SCARB1: variants seen among roughly 807,000 people sequenced by gnomAD.
SCARB1 encodes scavenger receptor class B member 1.
In SCARB1, 30 loss-of-function variants were observed where a neutral mutation model predicts 57.2. That is an observed-to-expected ratio of 0.52 (90% CI 0.39 to 0.71). SCARB1 has a LOEUF of 0.71. Among genes scored for constraint, SCARB1 ranks in the 30% least tolerant of loss-of-function variants. The pLI is 0.00. For missense variants in SCARB1, 543 were observed against 671.2 expected, an observed-to-expected ratio of 0.81 and a Z score of 2.11; for synonymous variants, 249 against 268.3, an observed-to-expected ratio of 0.93 and a Z score of 0.70.
chr12:124,846,478 T>C (rs117009181), intron 1 of SCARB1, among the ~76,000 whole-genome samples: 19,554 of 151,726 alleles, frequency 0.13, 1,395 homozygotes, highest in South Asian at 0.19. Context: ...TGGCCGGGCG[T>C]GGTGGCTCAC....
chr12:124,821,787 T>G (rs2135709771), intron 1 of SCARB1, among the ~76,000 whole-genome samples: 1 of 152,088 alleles, frequency 6.6e-6, no homozygotes, highest in Admixed American at 6.5e-5. Context: ...TGACCCTTCC[T>G]CCTCTGCCCC....
intron 1 of SCARB1, among the ~76,000 whole-genome samples, chr12:124,838,045 T>C (rs111428194): frequency 1.3e-4 from 20 of 152,400 alleles, no homozygotes; most frequent in African/African-American, 4.6e-4. Flanking sequence ...CTTATTTCTG[T>C]GTCGTCAATG....
rs771199113 is a variant in SCARB1, at chr12:124,815,148, C to T, written c.285-34G>A. 2.5e-6 allele frequency: 4 copies of T among 1,609,490 alleles called. No individual in the cohort carries two copies. In the Admixed American group the frequency reaches 5.0e-5, roughly 20 times the overall value. On this transcript the variant is annotated intron_variant, in intron 2 of 12. Transcript: ENST00000261693. ...GAAGCCAGTGGGTCAGACGCCCCGC[C>T]CCGCTGCATGGGACGTTTCCCTTCT...
intron 2 of SCARB1, among the ~76,000 whole-genome samples, chr12:124,815,351 C>A (rs898433564): frequency 6.6e-6 from 1 of 152,218 alleles, no homozygotes; most frequent in African/African-American, 2.4e-5. Context: ...CCACCCAACA[C>A]GGCCATCGTC....
chr12:124,841,153 C>T (rs1159880204), intron 1 of SCARB1, among the ~76,000 whole-genome samples: 6 of 152,164 alleles, frequency 3.9e-5, no homozygotes, highest in African/African-American at 7.2e-5. Context: ...GGGCGGATCA[C>T]GAGGTCAGGA....
intron 7 of SCARB1, among the ~76,000 whole-genome samples, chr12:124,801,209 C>G (rs1007757940): frequency 6.7e-6 from 1 of 150,330 alleles, no homozygotes; most frequent in African/African-American, 2.4e-5. Context: ...AAAAGAAAAA[C>G]AATTTTTTTT....
rs1344890836 is a variant in SCARB1, at chr12:124,839,716, C to T, written c.127-22009G>A. On this transcript the variant is annotated intron_variant, in intron 1 of 12. Coordinates refer to ENST00000261693, the MANE Select transcript of SCARB1 (RefSeq NM_005505.5). Reference sequence around the variant, plus strand: ...CGGCACACATGGGCCCCGATTTCTCCGCACCCTCACCCCAACGGCACACAT... The same window carrying T: ...CGGCACACATGGGCCCCGATTTCTCTGCACCCTCACCCCAACGGCACACAT... 3.3e-3 allele frequency: 394 copies of T among 120,828 alleles called. 4 individuals carry two copies. Among genetic ancestry groups the T allele is most frequent in the African/African-American group, 0.012 (358 of 30,130 alleles). The allele number at this position is 120,828 out of a possible 1,614,324, so 7.5% of individuals were successfully genotyped here.
intron 1 of SCARB1, among the ~76,000 whole-genome samples, chr12:124,843,463 A>G (rs1951998654): frequency 6.6e-6 from 1 of 152,096 alleles, no homozygotes; most frequent in African/African-American, 2.4e-5. Flanking sequence ...AGAGGTGGAA[A>G]TCGGCTTTTA....
chr12:124,817,533 C>G lies in SCARB1; in HGVS notation c.284+17G>C. Reference sequence around the variant, plus strand: ...GCCTCAGCCGGCCCCTCCACCCTCACCTGGACACAGCCTCACCTGTACACG... The same window carrying G: ...GCCTCAGCCGGCCCCTCCACCCTCAGCTGGACACAGCCTCACCTGTACACG... On this transcript the variant is annotated intron_variant, in intron 2 of 12. Coordinates refer to ENST00000261693, the MANE Select transcript of SCARB1 (RefSeq NM_005505.5). The surrounding 1 kb of genome is among the most constrained non-coding windows in gnomAD (Gnocchi z 4.8). 1 of 1,613,156 alleles carries G rather than the reference C, an allele frequency of 6.2e-7. No individual in the cohort carries two copies. Among genetic ancestry groups the G allele is most frequent in the East Asian group, 2.2e-5 (1 of 44,888 alleles).
intron 1 of SCARB1, among the ~76,000 whole-genome samples, chr12:124,833,884 G>T (rs1326676983): frequency 6.6e-6 from 1 of 152,262 alleles, no homozygotes; most frequent in African/African-American, 2.4e-5. Flanking sequence ...CCGGGCCGGG[G>T]AATGATCTGC....
intron 1 of SCARB1, among the ~76,000 whole-genome samples, chr12:124,853,047 G>A (rs1395112346): frequency 1.3e-5 from 2 of 152,134 alleles, no homozygotes; most frequent in African/African-American, 4.8e-5. Context: ...CAGTGGACGT[G>A]GGGGGCAACT....
At position 124,785,712 on chromosome 12, in the gene SCARB1, T is replaced by G. The variant is rs563482086; in HGVS notation, c.1401+645A>C. ...TGCAAAAACACTGCAAAAATATTGA[T>G]GCCGTTTATACTGATTACATGTTGA... On this transcript the variant is annotated intron_variant, in intron 11 of 12. Coordinates refer to ENST00000261693, the MANE Select transcript of SCARB1 (RefSeq NM_005505.5). 4 of 215,788 alleles carry G rather than the reference T, an allele frequency of 1.9e-5. No individual in the cohort carries two copies. The South Asian group carries it at 3.3e-4, about 18-fold the overall frequency. The allele number at this position is 215,788 out of a possible 1,614,324, so 13.4% of individuals were successfully genotyped here. A position where few individuals can be genotyped will look rare whatever the true frequency, so the allele number is the denominator to read the frequency against.
In SCARB1 at chr12:124,861,894, A is replaced by ACACC. The variant is rs60241644; in HGVS notation, c.126+1700_126+1701insGGTG. On this transcript the variant is annotated intron_variant, in intron 1 of 12. Coordinates refer to ENST00000261693, the MANE Select transcript of SCARB1 (RefSeq NM_005505.5). The stretch of plus-strand genomic sequence containing the variant: ...GTGTGGTGCACACACACACACACAC[A>ACACC]TCCTACTGACATACTTAACCTGATG... 1.1e-4 allele frequency among the ~76,000 whole-genome samples: 17 copies of ACACC among 150,626 alleles called. No individual in the cohort carries two copies. The South Asian group carries it at 3.4e-3, about 30-fold the overall frequency.
chr12:124,807,639 C>A lies in SCARB1; in HGVS notation c.1009+122G>T, dbSNP rs1950366290. The A allele has an allele frequency of 3.2e-6, 3 of 937,008 alleles. No individual in the cohort carries two copies. Among genetic ancestry groups the A allele is most frequent in the Middle Eastern group, 3.3e-4 (1 of 3,070 alleles). 58.0% of individuals were successfully genotyped at this position (937,008 alleles called of 1,614,324 possible). ...TCTTCCTGCGGCCTCATTATCTTCG[C>A]CTAATGGGATTATCAAGAGTACAGA... is the stretch of plus-strand genomic sequence containing the variant. On this transcript the variant is annotated intron_variant, in intron 7 of 12. Transcript: ENST00000261693. The surrounding 1 kb of genome is among the most constrained non-coding windows in gnomAD (Gnocchi z 5.3).
In SCARB1 at chr12:124,817,529, C is replaced by T. The variant is rs78702997; in HGVS notation, c.284+21G>A. ...CCCAGCCTCAGCCGGCCCCTCCACC[C>T]TCACCTGGACACAGCCTCACCTGTA... On this transcript the variant is annotated intron_variant, in intron 2 of 12. Coordinates refer to ENST00000261693, the MANE Select transcript of SCARB1 (RefSeq NM_005505.5). The surrounding 1 kb of genome is among the most constrained non-coding windows in gnomAD (Gnocchi z 4.8). 1 of 1,612,706 alleles carries T rather than the reference C, an allele frequency of 6.2e-7. No homozygotes were observed. The highest frequency in any genetic ancestry group is 1.3e-5 in the African/African-American group (1 of 74,936).
chr12:124,839,631 C>T (rs1276692122), intron 1 of SCARB1: 1 of 985,284 alleles, frequency 1.0e-6, no homozygotes, highest in African/African-American at 1.7e-5. Context: ...ACAGCAGCTG[C>T]ACCATCCTAC....
chr12:124,850,774 A>G (rs1182658087), intron 1 of SCARB1, among the ~76,000 whole-genome samples: 2 of 152,264 alleles, frequency 1.3e-5, no homozygotes, highest in Non-Finnish European at 2.9e-5. Context: ...TCAGCCAAAC[A>G]AAATAATCTC....
intron 7 of SCARB1, among the ~76,000 whole-genome samples, chr12:124,805,725 ATTTT>A (rs755476758): frequency 1.5e-4 from 12 of 79,590 alleles, no homozygotes; most frequent in African/African-American, 5.7e-4. Flanking sequence ...TGCCTAGCTA[ATTTT>A]TTTTTTTTTT....
chr12:124,830,786 T>A (rs1951352541), intron 1 of SCARB1, among the ~76,000 whole-genome samples: 1 of 152,196 alleles, frequency 6.6e-6, no homozygotes, highest in Non-Finnish European at 1.5e-5. Context: ...ATACTTCAAT[T>A]TTTAAAAAGA....
Sources: allele counts gnomAD v4.1 joint callset (sites outside exome capture counted in the v4.1 genomes callset), GRCh38; gene constraint gnomAD v4.1.1; non-coding constraint Gnocchi (gnomAD v3.1); transcripts MANE v1.5; gene names NCBI Gene and HGNC (gene_info 2026-07-23, HGNC 2026-07-21).